Variants in LRP1B observed in about 807,000 individuals in gnomAD.
LRP1B encodes low-density lipoprotein receptor-related protein 1B.
Under a neutral mutation model 556.6 loss-of-function variants are expected in LRP1B, and 217 were observed. That is an observed-to-expected ratio of 0.39 (90% confidence interval 0.35 to 0.44). The LOEUF (loss-of-function observed/expected upper bound fraction) is 0.44, where lower values mean the gene tolerates loss of function less well. Ranked by LOEUF, LRP1B falls within the 20% of genes least tolerant of loss-of-function variation. The pLI, the probability that LRP1B is intolerant of heterozygous loss-of-function variation, is 1.00. For missense variants in LRP1B, 5,053 were observed against 5,620.8 expected (o/e 0.90, Z 3.23); for synonymous variants, 2,047 against 1,865.8 (o/e 1.10, Z -2.50).
At chr2:141,624,272 T>C (rs548126509) in intron 2 of LRP1B, among the ~76,000 whole-genome samples, 1 of 152,008 alleles carries the variant, frequency 6.6e-6, no homozygotes, top group Non-Finnish European at 1.5e-5. Context: ...ACAACCTGAG[T>C]AAGTATATTA....
rs558594641 is a variant in LRP1B at position 141,717,799 on chromosome 2, A to G, written c.205+92480T>C. Among the ~76,000 whole-genome samples, 166 of 152,366 alleles carry G rather than the reference A, an allele frequency of 1.1e-3. 1 individual carries two copies. Among genetic ancestry groups the G allele is most frequent in the Non-Finnish European group, 2.2e-3 (147 of 68,038 alleles). On this transcript the variant is annotated intron_variant, in intron 2 of 90. Transcript: ENST00000389484. ...ATACTTTAAATTTTGGAATAAGTAA[A>G]GATTTCAAGGACAAGATACAATCAT...
At chr2:141,814,540 T>C (rs959491424) in intron 1 of LRP1B, among the ~76,000 whole-genome samples, 14 of 152,140 alleles carry the variant, frequency 9.2e-5, no homozygotes, top group Non-Finnish European at 2.1e-4. Flanking sequence ...GAAAAACATG[T>C]TGGTTGAATG....
At chr2:140,265,240 C>T (rs192058977) in intron 86 of LRP1B, among the ~76,000 whole-genome samples, 38 of 151,944 alleles carry the variant, frequency 2.5e-4, no homozygotes, top group Admixed American at 7.2e-4. Context: ...TACAATAAAA[C>T]GTATTTAATA....
chr2:141,355,415 A>G (rs1688591648), intron 3 of LRP1B, among the ~76,000 whole-genome samples: 1 of 151,926 alleles, frequency 6.6e-6, no homozygotes, highest in African/African-American at 2.4e-5. Flanking sequence ...ATTTGAGAAC[A>G]TTTTCGACAT....
intron 18 of LRP1B, among the ~76,000 whole-genome samples, chr2:140,974,214 C>CGGG (rs1228813158): frequency 6.6e-6 from 1 of 152,104 alleles, no homozygotes; most frequent in Non-Finnish European, 1.5e-5. Context: ...TGCTTACTGC[C>CGGG]CAACAGTGGA....
At chr2:141,314,836 A>G (rs1261438302) in intron 3 of LRP1B, among the ~76,000 whole-genome samples, 4 of 134,518 alleles carry the variant, frequency 3.0e-5, no homozygotes, top group Non-Finnish European at 6.3e-5. Flanking sequence ...ATGTGTATAT[A>G]TATATATACA....
chr2:141,801,665 G>A (rs1696011640), intron 2 of LRP1B, among the ~76,000 whole-genome samples: 1 of 152,020 alleles, frequency 6.6e-6, no homozygotes, highest in South Asian at 2.1e-4. Flanking sequence ...TTTTTCATTT[G>A]CATAGTAACT....
rs1686214810 is a variant in LRP1B, at chr2:141,297,200, A to C, written c.344-42559T>G. 2.0e-5 allele frequency among the ~76,000 whole-genome samples: 3 copies of C among 152,162 alleles called. No individual in the cohort carries two copies. The South Asian group carries it at 6.2e-4, about 32-fold the overall frequency. On this transcript the variant is annotated intron_variant, in intron 3 of 90. Coordinates refer to ENST00000389484, the MANE Select transcript of LRP1B (RefSeq NM_018557.3). ...ATGTGTCTTTTCGGTAGAACAATTT[A>C]TTTTCCTTTGGGTATATACCTAGTA...
intron 3 of LRP1B, among the ~76,000 whole-genome samples, chr2:141,463,607 A>ATATATATAT (rs1559084023): frequency 9.2e-6 from 1 of 108,430 alleles, no homozygotes; most frequent in African/African-American, 4.1e-5. Context: ...ATTATATATT[A>ATATATATAT]TATATAATTA....
At chr2:141,766,294 G>A (rs75716583) in intron 2 of LRP1B, among the ~76,000 whole-genome samples, 6,717 of 152,200 alleles carry the variant, frequency 0.044, 190 homozygotes, top group Non-Finnish European at 0.07. Flanking sequence ...CAATGGATAG[G>A]ATACAAAAAC....
At chr2:141,062,328 G>T in intron 7 of LRP1B, 55 bp from the exon 8 acceptor site, 4 of 1,178,706 alleles carry the variant, frequency 3.4e-6, no homozygotes, top group Non-Finnish European at 3.7e-6. Flanking sequence ...AAGCACGTTT[G>T]ATGGAGCCAT....
chr2:141,387,619 T>G (rs931299492), intron 3 of LRP1B, among the ~76,000 whole-genome samples: 19 of 152,138 alleles, frequency 1.2e-4, no homozygotes, highest in Non-Finnish European at 2.6e-4. Flanking sequence ...AATAATATAT[T>G]TTTAAAATCT....
chr2:141,371,597 G>GTT (rs1466972050), intron 3 of LRP1B, among the ~76,000 whole-genome samples: 4 of 151,870 alleles, frequency 2.6e-5, no homozygotes, highest in African/African-American at 9.7e-5. Flanking sequence ...TATATCTTTA[G>GTT]TTATATATAT....
intron 78 of LRP1B, among the ~76,000 whole-genome samples, chr2:140,335,293 T>G (rs2105085220): frequency 6.6e-6 from 1 of 152,056 alleles, no homozygotes; most frequent in African/African-American, 2.4e-5. Flanking sequence ...ACGTTTAATA[T>G]TTTAATAATT....
chr2:141,538,638 C>CTT (rs35243335), intron 2 of LRP1B, among the ~76,000 whole-genome samples: 17 of 102,196 alleles, frequency 1.7e-4, no homozygotes, highest in Admixed American at 2.0e-4. Context: ...AAAAAAACTT[C>CTT]TTTTTTTTTT....
At chr2:141,908,599 T>C (rs1472155305) in intron 1 of LRP1B, among the ~76,000 whole-genome samples, 1 of 152,086 alleles carries the variant, frequency 6.6e-6, no homozygotes, top group East Asian at 1.9e-4. Flanking sequence ...GCTTTTAATA[T>C]CTTATAATTT....
intron 1 of LRP1B, among the ~76,000 whole-genome samples, chr2:141,925,877 G>C (rs983169884): frequency 6.6e-6 from 1 of 152,064 alleles, no homozygotes; most frequent in African/African-American, 2.4e-5. Context: ...TTGTAGGATG[G>C]CCTTAGCAAA....
At chr2:141,449,448 T>G (rs1329710322) in intron 3 of LRP1B, among the ~76,000 whole-genome samples, 2 of 152,192 alleles carry the variant, frequency 1.3e-5, no homozygotes, top group African/African-American at 4.8e-5. Flanking sequence ...AAACCTTACA[T>G]TTTTTATATT....
chr2:141,846,493 T>TA (rs894955782), intron 1 of LRP1B, among the ~76,000 whole-genome samples: 14 of 151,390 alleles, frequency 9.2e-5, no homozygotes, highest in Non-Finnish European at 1.9e-4. Context: ...TTCTAAAAAA[T>TA]AAAAAAATGT....
Sources: gnomAD v4.1 joint callset for allele counts (sites outside exome capture counted in the v4.1 genomes callset) on GRCh38, gnomAD v4.1.1 for gene constraint, MANE v1.5 for transcripts, NCBI Gene and HGNC (gene_info 2026-07-23, HGNC 2026-07-21) for gene names.